ABCA6: variants seen among roughly 807,000 people sequenced by gnomAD.
ABCA6 encodes ATP binding cassette subfamily A member 6, also known as ATP-binding cassette sub-family A member 6.
ABCA6 carries 164 observed loss-of-function variants against 191.2 expected under a neutral mutation model. That is an observed-to-expected ratio of 0.86 (90% CI 0.76 to 0.98). The LOEUF (loss-of-function observed/expected upper bound fraction) is 0.98. Among genes scored for constraint, ABCA6 ranks in the 50% least tolerant of loss-of-function variants. The pLI is 0.00. For synonymous variants in ABCA6, 636 were observed against 647.7 expected (o/e 0.98, Z 0.27); for missense variants, 1,958 against 1,894.1 (o/e 1.03, Z -0.63).
At chr17:69,138,022 C>T (rs1204390423) in intron 2 of ABCA6, among the ~76,000 whole-genome samples, 1 of 152,158 alleles carries the variant, frequency 6.6e-6, no homozygotes, top group Non-Finnish European at 1.5e-5. Context: ...TTAAGTGGAA[C>T]CGAATGATTT....
At position 69,107,747 on chromosome 17, in the gene ABCA6, T is replaced by A; in HGVS notation, c.2338A>T (p.Thr780Ser). ...GVTGYDISMS[T>S]LNEVFMKLEG... ...AGTTTCATAAAGACTTCATTTAGAG[T>A]TGACATGGAAATGTCATAACCTGTC... The change falls in exon 18 of 39, where the codon ACT (threonine) becomes TCT (serine). Residue 780 changes from threonine (T) to serine (S), a missense_variant. Thr to Ser is a moderately conservative substitution (Grantham distance 58, BLOSUM62 1). Transcript: ENST00000284425. 6.2e-7 allele frequency: 1 copy of A among 1,613,120 alleles called. No individual in the cohort carries two copies. Among genetic ancestry groups the A allele is most frequent in the Middle Eastern group, 1.7e-4 (1 of 6,048 alleles).
Position 69,091,174 on chromosome 17 carries a change from G to T in ABCA6, c.3497C>A (p.Thr1166Asn), listed in dbSNP as rs2072913322. ...CAAAAAAGTTTTAAATCCAAGCAAGGTATATGAAGGAACCAATACCATGGT... is the reference window on the plus strand; with the variant it reads ...CAAAAAAGTTTTAAATCCAAGCAAGTTATATGAAGGAACCAATACCATGGT... ...ITTMVLVPSY[T>N]LLGFKTFLEV... Residue 1166 changes from threonine to asparagine, a missense_variant, in exon 26 of 39, where the codon ACC becomes AAC. Thr to Asn is a moderately conservative substitution (Grantham distance 65). Coordinates refer to ENST00000284425, the MANE Select transcript of ABCA6 (RefSeq NM_080284.3). The T allele has an allele frequency of 3.1e-6, 5 of 1,611,164 alleles. No individual in the cohort carries two copies. The South Asian group carries it at 4.4e-5, about 14-fold the overall frequency.
chr17:69,137,366 A>G lies in ABCA6; in HGVS notation c.231T>C (p.Val77=). Residue 77 remains valine (V), a synonymous_variant, in exon 3 of 39, where the codon GTT becomes GTC. Transcript: ENST00000284425. ...TTAAATTAGATATTGGTGTATACAC[A>G]ACCATTAAAGAAGAGCTATTAAATT... ...VDKFNSSSLM[V]VYTPISNLTQ... 6.2e-7 allele frequency: 1 copy of G among 1,613,780 alleles called. No individual in the cohort carries two copies. Among genetic ancestry groups the G allele is most frequent in the South Asian group, 1.1e-5 (1 of 91,078 alleles).
chr17:69,138,289 A>G (rs1406431189), intron 2 of ABCA6, among the ~76,000 whole-genome samples: 1 of 152,164 alleles, frequency 6.6e-6, no homozygotes, highest in Non-Finnish European at 1.5e-5. Context: ...CTCAACTTTC[A>G]TTAGACCATG....
chr17:69,102,797 T>C (rs200920896), intron 21 of ABCA6, 38 bp downstream of exon 21: 177 of 1,553,302 alleles, frequency 1.1e-4, no homozygotes, highest in Non-Finnish European at 1.3e-4. Flanking sequence ...AATGTAGTAC[T>C]TTTTGTTTTT....
chr17:69,107,895 A>G lies in ABCA6; in HGVS notation c.2273-83T>C, dbSNP rs935503372. On this transcript the variant is annotated intron_variant, in intron 17 of 38. Coordinates refer to ENST00000284425, the MANE Select transcript of ABCA6 (RefSeq NM_080284.3). ...GTAAATTAATACTTATTTAAAAGAC[A>G]ATACATAATATTGTTAAGAAAATTA... 262 of 835,510 alleles carry G rather than the reference A, an allele frequency of 3.1e-4. 1 individual carries two copies. Among genetic ancestry groups the G allele is most frequent in the Non-Finnish European group, 4.1e-4 (212 of 521,432 alleles). 51.8% of individuals were successfully genotyped at this position (835,510 alleles called of 1,614,324 possible).
rs574968634 is a variant in ABCA6 at position 69,116,233 on chromosome 17, T to C, written c.1496-747A>G. ...GACTGACCCACAGTAACTGGAAAAA[T>C]TAAATAGAAGCCTCAGTTTCGTCAT... On this transcript the variant is annotated intron_variant, in intron 11 of 38. Coordinates refer to ENST00000284425, the MANE Select transcript of ABCA6 (RefSeq NM_080284.3). Among the ~76,000 whole-genome samples, 178 of 152,048 alleles carry C rather than the reference T, an allele frequency of 1.2e-3. 1 individual carries two copies. Among genetic ancestry groups the C allele is most frequent in the African/African-American group, 3.9e-3 (162 of 41,502 alleles).
At chr17:69,117,741 T>C (rs1270440396) in intron 11 of ABCA6, among the ~76,000 whole-genome samples, 157 bp downstream of exon 11, 1 of 152,080 alleles carries the variant, frequency 6.6e-6, no homozygotes, top group Non-Finnish European at 1.5e-5. Context: ...TTTTACAGCA[T>C]ATTCTTAATC....
chr17:69,105,512 C>G lies in ABCA6; in HGVS notation c.2690G>C (p.Gly897Ala), dbSNP rs762441769. The change falls in exon 20 of 39, where the codon GGA (glycine) becomes GCA (alanine). Residue 897 changes from glycine (G) to alanine (A), a missense_variant. Coordinates refer to ENST00000284425, the MANE Select transcript of ABCA6 (RefSeq NM_080284.3). The stretch of plus-strand genomic sequence containing the variant: ...GGTACGGGGTTCCTGGGGAAGTTGT[C>G]CAGGAGAGAGAAAATACAATTCGTT... The part of the protein sequence containing the change: ...FKNELYFLSP[G>A]QLPQEPRTSL... 3 of 1,611,344 alleles carry G rather than the reference C, an allele frequency of 1.9e-6. No individual in the cohort carries two copies. Among genetic ancestry groups the G allele is most frequent in the Non-Finnish European group, 2.5e-6 (3 of 1,179,370 alleles).
rs1227072148 is a variant in ABCA6 at position 69,110,928 on chromosome 17, AT to A, written c.2144del (p.Asn715MetfsTer9). On this transcript the variant is annotated frameshift_variant, in exon 17 of 39. Transcript: ENST00000284425. LOFTEE classifies it high-confidence loss of function. ...TTATTTGTTCTGGGTTACATATTTC[AT>A]TCCTATGTAAACTAATATTTAAAAG... Reference protein sequence around the residue: ...GLGYHLSLHRNEICNPEQITS... With the variant: ...GLGYHLSLHRXEICNPEQITS... 16 of 1,597,878 alleles carry A rather than the reference AT, an allele frequency of 1.0e-5. No individual in the cohort carries two copies. The highest frequency in any genetic ancestry group is 1.4e-5 in the Non-Finnish European group (16 of 1,174,298).
intron 5 of ABCA6, among the ~76,000 whole-genome samples, chr17:69,134,256 T>C (rs761268724): frequency 2.0e-5 from 3 of 152,158 alleles, no homozygotes; most frequent in Non-Finnish European, 2.9e-5. Flanking sequence ...TTAATTCCCA[T>C]TGTGATGGTA....
intron 6 of ABCA6, among the ~76,000 whole-genome samples, chr17:69,132,058 C>T (rs1056947708): frequency 6.6e-6 from 1 of 152,006 alleles, no homozygotes; most frequent in African/African-American, 2.4e-5. Flanking sequence ...CTTTTTCTAT[C>T]TTACAATTTA....
At position 69,107,750 on chromosome 17, in the gene ABCA6, A is replaced by G; in HGVS notation, c.2335T>C (p.Ser779Pro). Residue 779 changes from serine to proline, a missense_variant, in exon 18 of 39, where the codon TCA (serine) becomes CCA (proline). Transcript: ENST00000284425. ...TTCATAAAGACTTCATTTAGAGTTG[A>G]CATGGAAATGTCATAACCTGTCACT... Reference protein sequence around the residue: ...QGVTGYDISMSTLNEVFMKLE... With the variant: ...QGVTGYDISMPTLNEVFMKLE... 1 of 1,613,216 alleles carries G rather than the reference A, an allele frequency of 6.2e-7. No homozygotes were observed. Among genetic ancestry groups the G allele is most frequent in the Non-Finnish European group, 8.5e-7 (1 of 1,179,510 alleles).
At chr17:69,136,028 C>T (rs1442477591) in intron 4 of ABCA6, 64 bp downstream of exon 4, 13 of 1,482,982 alleles carry the variant, frequency 8.8e-6, no homozygotes, top group African/African-American at 1.4e-5. Flanking sequence ...GTTGCCCAAC[C>T]TCCTCTGTTC....
Position 69,096,330 on chromosome 17 carries a change from T to A in ABCA6, c.3318A>T (p.Ala1106=), listed in dbSNP as rs2144635023. ...FALVIVTPGY[A]ASLVFFIYMI... ...TATATATGAAGAAGACAAGAGAAGC[T>A]GCATAACCAGGAGTAACTATAACCT... The change falls in exon 25 of 39, where the codon GCA becomes GCT. Residue 1106 remains alanine (A), a synonymous_variant. Coordinates refer to ENST00000284425, the MANE Select transcript of ABCA6 (RefSeq NM_080284.3). The A allele has an allele frequency of 6.6e-7, 1 of 1,505,068 alleles. No individual in the cohort carries two copies. The highest frequency in any genetic ancestry group is 1.4e-5 in the South Asian group (1 of 72,116). The allele number at this position is 1,505,068 out of a possible 1,614,324, so 93.2% of individuals were successfully genotyped here.
At chr17:69,116,331 C>G (rs761239803) in intron 11 of ABCA6, among the ~76,000 whole-genome samples, 6 of 152,068 alleles carry the variant, frequency 3.9e-5, no homozygotes, top group Non-Finnish European at 5.9e-5. Flanking sequence ...AATCACTTAG[C>G]ATAGTTTCCC....
chr17:69,140,135 G>A (rs945881167), intron 2 of ABCA6, among the ~76,000 whole-genome samples: 2 of 151,902 alleles, frequency 1.3e-5, no homozygotes, highest in African/African-American at 4.8e-5. Flanking sequence ...ATAAACATTT[G>A]CTGTGTTAAG....
intron 37 of ABCA6, 99 bp downstream of exon 37, chr17:69,080,967 C>T (rs968321100): frequency 2.9e-6 from 2 of 697,190 alleles, no homozygotes; most frequent in East Asian, 5.5e-5. Flanking sequence ...GCCCTACAGC[C>T]CTATTTTAAA....
At chr17:69,112,041 TA>T in intron 16 of ABCA6, 141 bp downstream of exon 16, 73 of 635,800 alleles carry the variant, frequency 1.1e-4, no homozygotes, top group Admixed American at 1.5e-4. Context: ...GGAAGGAAAG[TA>T]AAAAAAAGTA....
Sources: allele counts gnomAD v4.1 joint callset (sites outside exome capture counted in the v4.1 genomes callset), GRCh38; gene constraint gnomAD v4.1.1; transcripts MANE v1.5; gene names NCBI Gene and HGNC (gene_info 2026-07-23, HGNC 2026-07-21).